Variants in DAPK2 observed in about 807,000 individuals in gnomAD.
The protein encoded by DAPK2 is death-associated protein kinase 2.
A neutral mutation model predicts 44.1 loss-of-function variants in DAPK2; 35 were observed. The observed-to-expected ratio is 0.79, with a 90% CI of 0.61 to 1.05. The LOEUF is 1.05. DAPK2 is among the 50% of genes least tolerant of loss of function. DAPK2 has a pLI of 0.00. For missense variants in DAPK2, 453 were observed against 483.2 expected (o/e 0.94, Z 0.59); for synonymous variants, 174 against 182.6 (o/e 0.95, Z 0.38).
intron 7 of DAPK2, 30 bp from the exon 9 acceptor site, chr15:63,924,891 T>C: frequency 3.1e-6 from 5 of 1,613,316 alleles, no homozygotes; most frequent in Non-Finnish European, 4.2e-6. Context: ...ACAGTGATGA[T>C]CCATGAGGAC....
At chr15:64,029,059 A>G (rs1032503710) in intron 1 of DAPK2, among the ~76,000 whole-genome samples, 1 of 152,198 alleles carries the variant, frequency 6.6e-6, no homozygotes, top group Non-Finnish European at 1.5e-5. Context: ...ACACACTGGC[A>G]ATAAATAAGT....
chr15:64,006,785 G>A (rs1421003722), intron 1 of DAPK2, among the ~76,000 whole-genome samples: 1 of 152,162 alleles, frequency 6.6e-6, no homozygotes, highest in Non-Finnish European at 1.5e-5. Flanking sequence ...CCTGCCTCAT[G>A]TGTCAGACAA....
chr15:63,985,362 C>A (rs2078640568), intron 1 of DAPK2, among the ~76,000 whole-genome samples: 1 of 152,218 alleles, frequency 6.6e-6, no homozygotes, highest in African/African-American at 2.4e-5. Flanking sequence ...TCAGTGTGAA[C>A]TCTAACACAT....
At chr15:63,937,685 T>C (rs569731266) in intron 4 of DAPK2, among the ~76,000 whole-genome samples, 118 of 152,352 alleles carry the variant, frequency 7.7e-4, no homozygotes, top group Middle Eastern at 3.4e-3. Flanking sequence ...GTATCTCATA[T>C]GAACAGTCTT....
intron 6 of DAPK2, among the ~76,000 whole-genome samples, chr15:63,926,882 C>T (rs953487214): frequency 1.3e-5 from 2 of 152,232 alleles, no homozygotes; most frequent in African/African-American, 4.8e-5. Flanking sequence ...TCCCTTGCCA[C>T]ATCTGACTGG....
chr15:64,002,700 A>C (rs1393601035), intron 1 of DAPK2, among the ~76,000 whole-genome samples: 3 of 152,214 alleles, frequency 2.0e-5, no homozygotes, highest in African/African-American at 7.2e-5. Context: ...TGATAGTATG[A>C]ACTCCCATCA....
intron 4 of DAPK2, among the ~76,000 whole-genome samples, chr15:63,937,649 T>C (rs914833630): frequency 2.0e-5 from 3 of 152,202 alleles, no homozygotes; most frequent in Admixed American, 6.5e-5. Flanking sequence ...AGGCCATGAC[T>C]GATCCCATTG....
At chr15:63,964,215 G>A (rs1481418421) in intron 3 of DAPK2, among the ~76,000 whole-genome samples, 1 of 152,082 alleles carries the variant, frequency 6.6e-6, no homozygotes, top group African/African-American at 2.4e-5. Flanking sequence ...TATTTTTGCT[G>A]GATATACTAT....
intron 4 of DAPK2, among the ~76,000 whole-genome samples, chr15:63,932,291 C>A (rs561860972): frequency 6.6e-6 from 1 of 151,444 alleles, no homozygotes; most frequent in South Asian, 2.1e-4. Flanking sequence ...CATGGAGAAA[C>A]CCTGTCTCAA....
At chr15:63,994,919 A>G (rs1196818546) in intron 1 of DAPK2, among the ~76,000 whole-genome samples, 2 of 151,892 alleles carry the variant, frequency 1.3e-5, no homozygotes, top group African/African-American at 2.4e-5. Context: ...TGTAAGTGAG[A>G]TGGTACTGTA....
At position 63,966,779 on chromosome 15, in the gene DAPK2, T is replaced by C. The variant is rs2078065189; in HGVS notation, c.453+4644A>G. Among the ~76,000 whole-genome samples the C allele has an allele frequency of 6.6e-6, 1 of 152,192 alleles. No homozygotes were observed. Among genetic ancestry groups the C allele is most frequent in the Non-Finnish European group, 1.5e-5 (1 of 68,022 alleles). ...CTCCCCCAAGTGCACAGGTTCTTTCTCCATGCAACATGGCTGCTGCCAGAA... is the reference window on the plus strand; with the variant it reads ...CTCCCCCAAGTGCACAGGTTCTTTCCCCATGCAACATGGCTGCTGCCAGAA... On this transcript the variant is annotated intron_variant, in intron 3 of 10. Coordinates refer to ENST00000261891, the Ensembl canonical transcript of DAPK2. The surrounding 1 kb of genome is among the most constrained non-coding windows in gnomAD (Gnocchi z 5.5).
chr15:63,929,667 C>A lies in DAPK2; in HGVS notation c.633-90G>T. 2.0e-6 allele frequency: 3 copies of A among 1,491,200 alleles called. No individual in the cohort carries two copies. The South Asian group carries it at 3.4e-5, about 17-fold the overall frequency. The allele number at this position is 1,491,200 out of a possible 1,614,324, so 92.4% of individuals were successfully genotyped here. A position where few individuals can be genotyped will look rare whatever the true frequency, so the allele number is the denominator to read the frequency against. ...CCTCATGGATCTAAGGGGAAGAGGTCACTTGCCTCCTCCACAGCAGACCCT... is the reference window on the plus strand; with the variant it reads ...CCTCATGGATCTAAGGGGAAGAGGTAACTTGCCTCCTCCACAGCAGACCCT... On this transcript the variant is annotated intron_variant, in intron 5 of 10. Coordinates refer to ENST00000261891, the Ensembl canonical transcript of DAPK2.
Position 63,924,813 on chromosome 15 carries a change from T to A in DAPK2, c.858+3A>T. The A allele has an allele frequency of 6.2e-7, 1 of 1,614,166 alleles. No homozygotes were observed. The highest frequency in any genetic ancestry group is 2.2e-5 in the East Asian group (1 of 44,884). On this transcript the variant is annotated splice_donor_region_variant and intron_variant, in intron 8 of 10. Transcript: ENST00000261891. ...CCATTGGAACTCATGGCTGTGCCCT[T>A]ACCGTGATCCAGGGGTGTCTGAGAG... is the stretch of plus-strand genomic sequence containing the variant.
rs1175432400 is a variant in DAPK2 at position 64,036,309 on chromosome 15, G to GTATATATATATACATATA, written c.92+3860_92+3861insTATATGTATATATATATA. Among the ~76,000 whole-genome samples, 38 of 60,514 alleles carry GTATATATATATACATATA rather than the reference G, an allele frequency of 6.3e-4. 1 individual carries two copies. In the East Asian group the frequency reaches 0.011, roughly 17 times the overall value. The allele number at this position is 60,514 out of a possible 152,430, so 39.7% of individuals were successfully genotyped here. On this transcript the variant is annotated intron_variant, in intron 1 of 10. Transcript: ENST00000261891. The stretch of plus-strand genomic sequence containing the variant: ...TGTGTGTGTGTGTGTGTGTGTGTGT[G>GTATATATATATACATATA]TATATATATGTATATATATATATAT...
chr15:63,997,448 A>C (rs1307613759), intron 1 of DAPK2, among the ~76,000 whole-genome samples: 2 of 152,206 alleles, frequency 1.3e-5, no homozygotes, highest in African/African-American at 4.8e-5. Flanking sequence ...CTGCTGCCTC[A>C]GCCTCCCAAG....
chr15:64,037,905 TG>T (rs2080252171), intron 1 of DAPK2, among the ~76,000 whole-genome samples: 1 of 152,162 alleles, frequency 6.6e-6, no homozygotes, highest in Non-Finnish European at 1.5e-5. Flanking sequence ...ACTCACCTTT[TG>T]CCCCATTAGC....
chr15:64,010,361 C>A (rs1354419446), intron 1 of DAPK2, among the ~76,000 whole-genome samples: 1 of 152,186 alleles, frequency 6.6e-6, no homozygotes, highest in East Asian at 1.9e-4. Flanking sequence ...CTGTTTACTA[C>A]TACTCTCAAT....
chr15:63,949,007 C>A (rs2077521431), intron 3 of DAPK2, among the ~76,000 whole-genome samples: 1 of 152,188 alleles, frequency 6.6e-6, no homozygotes, highest in Non-Finnish European at 1.5e-5. Flanking sequence ...CCCACATGGC[C>A]TCCCCTCCTC....
At chr15:63,924,826 G>A (rs534854161) in exon 8 of DAPK2, 3 of 1,614,182 alleles carry the variant, frequency 1.9e-6, no homozygotes, top group Non-Finnish European at 2.5e-6. Flanking sequence ...CGTGATCCAG[G>A]GGTGTCTGAG....
Sources: gnomAD v4.1 joint callset for allele counts (sites outside exome capture counted in the v4.1 genomes callset) on GRCh38, gnomAD v4.1.1 for gene constraint, Gnocchi (gnomAD v3.1) non-coding constraint, MANE v1.5 for transcripts, NCBI Gene and HGNC (gene_info 2026-07-23, HGNC 2026-07-21) for gene names.